Variants in AP3B1 observed in about 807,000 individuals in gnomAD.
AP3B1 encodes the protein AP-3 complex subunit beta-1.
AP3B1 carries 61 observed loss-of-function variants against 132.5 expected under a neutral mutation model. The ratio of observed to expected loss-of-function variants is 0.46; its 90% CI spans 0.37 to 0.57. The LOEUF (loss-of-function observed/expected upper bound fraction) is 0.57, where lower values mean the gene tolerates loss of function less well. Ranked by LOEUF, AP3B1 falls within the 20% of genes least tolerant of loss-of-function variation. AP3B1 has a pLI of 0.00. For synonymous variants in AP3B1, 388 were observed against 438.3 expected (o/e 0.89, Z 1.43); for missense variants, 1,120 against 1,289.4 (o/e 0.87, Z 2.01).
In AP3B1 at chr5:78,212,476, AC is replaced by A. The variant is rs554080053; in HGVS notation, c.786+3578del. Among the ~76,000 whole-genome samples, 7 of 152,280 alleles carry A rather than the reference AC, an allele frequency of 4.6e-5. No individual in the cohort carries two copies. In the South Asian group the frequency reaches 1.5e-3, roughly 32 times the overall value. The stretch of plus-strand genomic sequence containing the variant: ...TATGTCGATACATTGTTTTAGTGAC[AC>A]TTTTTCCTACTGGCAAATTCTTTAC... On this transcript the variant is annotated intron_variant, in intron 7 of 26. Transcript: ENST00000255194.
At chr5:78,087,777 TTTC>T (rs1412984714) in intron 22 of AP3B1, 5 of 756,446 alleles carry the variant, frequency 6.6e-6, no homozygotes, top group African/African-American at 5.7e-5. Flanking sequence ...TCTCAACTGC[TTTC>T]TTCTTATTAT....
chr5:78,193,770 A>ATATATTTTTTT, intron 7 of AP3B1, among the ~76,000 whole-genome samples: 20 of 67,210 alleles, frequency 3.0e-4, no homozygotes, highest in Admixed American at 1.2e-3. Flanking sequence ...ATATATATAT[A>ATATATTTTTTT]TTTTTTTTTT....
At chr5:78,203,524 T>G (rs1470661215) in intron 7 of AP3B1, among the ~76,000 whole-genome samples, 3 of 152,004 alleles carry the variant, frequency 2.0e-5, no homozygotes, top group Admixed American at 2.0e-4. Context: ...AGGTGAGATA[T>G]GGGGGGGACA....
chr5:78,092,081 C>T (rs1033554055), intron 21 of AP3B1, among the ~76,000 whole-genome samples: 1 of 152,206 alleles, frequency 6.6e-6, no homozygotes, highest in African/African-American at 2.4e-5. Flanking sequence ...CGTAACTTTT[C>T]AGGTAAGTTC....
At chr5:78,008,192 G>A (rs1345325789) in intron 26 of AP3B1, among the ~76,000 whole-genome samples, 3 of 152,116 alleles carry the variant, frequency 2.0e-5, no homozygotes, top group East Asian at 1.9e-4. Context: ...GGTGAGATGG[G>A]GTTAACAAGG....
At chr5:78,285,752 T>C (rs1285067846) in intron 1 of AP3B1, among the ~76,000 whole-genome samples, 1 of 152,224 alleles carries the variant, frequency 6.6e-6, no homozygotes, top group East Asian at 1.9e-4. Context: ...AAAAACTTTG[T>C]ATCCACCCTT....
intron 13 of AP3B1, among the ~76,000 whole-genome samples, chr5:78,158,211 A>T (rs1044230979): frequency 6.6e-6 from 1 of 152,152 alleles, no homozygotes; most frequent in Non-Finnish European, 1.5e-5. Context: ...GTGGCTCAGC[A>T]CTTTCGGAGG....
chr5:78,254,101 T>A (rs901333581), intron 2 of AP3B1, among the ~76,000 whole-genome samples: 3 of 151,756 alleles, frequency 2.0e-5, no homozygotes, highest in Middle Eastern at 6.9e-3. Context: ...GCAGAATTGA[T>A]CAAGCAGAAG....
chr5:78,006,620 G>A (rs906820517), intron 26 of AP3B1, among the ~76,000 whole-genome samples: 18 of 152,100 alleles, frequency 1.2e-4, no homozygotes, highest in Admixed American at 2.6e-4. Context: ...GAGGGACTAC[G>A]GGGAGACCAA....
At chr5:78,034,276 C>G in intron 24 of AP3B1, 85 bp downstream of exon 24, 1 of 1,017,392 alleles carries the variant, frequency 9.8e-7, no homozygotes, top group Non-Finnish European at 1.6e-6. Context: ...GTCTTTCACA[C>G]ACACACAAAA....
chr5:78,094,262 CA>C (rs1750675152), intron 21 of AP3B1, among the ~76,000 whole-genome samples: 1 of 152,086 alleles, frequency 6.6e-6, no homozygotes, highest in Admixed American at 6.5e-5. Context: ...CTAAGTCTAA[CA>C]AAAGACTGTT....
intron 1 of AP3B1, among the ~76,000 whole-genome samples, chr5:78,282,236 C>T (rs1436104953): frequency 6.6e-6 from 1 of 152,168 alleles, no homozygotes; most frequent in East Asian, 1.9e-4. Context: ...GCTGGCACTG[C>T]TGACCATTTA....
At chr5:78,038,797 T>C (rs1312397146) in intron 23 of AP3B1, among the ~76,000 whole-genome samples, 1 of 152,218 alleles carries the variant, frequency 6.6e-6, no homozygotes, top group Non-Finnish European at 1.5e-5. Context: ...TCTGCAGACC[T>C]AGCCTTCCAT....
chr5:78,092,866 T>A (rs988578089), intron 21 of AP3B1, among the ~76,000 whole-genome samples: 2 of 152,010 alleles, frequency 1.3e-5, no homozygotes, highest in Non-Finnish European at 2.9e-5. Context: ...TCCAGGCTGG[T>A]CTCGAACTCC....
chr5:78,217,417 T>G (rs1413441558), intron 6 of AP3B1, among the ~76,000 whole-genome samples: 1 of 152,128 alleles, frequency 6.6e-6, no homozygotes, highest in Admixed American at 6.6e-5. Context: ...GCCCTAACCA[T>G]GTACTGGTGC....
intron 22 of AP3B1, among the ~76,000 whole-genome samples, chr5:78,046,244 C>A (rs763459256): frequency 6.6e-6 from 1 of 152,154 alleles, no homozygotes; most frequent in Non-Finnish European, 1.5e-5. Context: ...CAAGCATTAC[C>A]GCCTGAGCTC....
chr5:78,287,635 C>A lies in AP3B1; in HGVS notation c.128+6817G>T, dbSNP rs541534264. Among the ~76,000 whole-genome samples, 164 of 151,974 alleles carry A rather than the reference C, an allele frequency of 1.1e-3. No homozygotes were observed. In the South Asian group the frequency reaches 0.014, roughly 13 times the overall value. ...TAGTTCAGCTGCTAGGAATGCACTG[C>A]AGATGCTAGTATACAGTTTCTTCTT... On this transcript the variant is annotated intron_variant, in intron 1 of 26. Transcript: ENST00000255194.
At chr5:78,217,382 C>T (rs1326237274) in intron 6 of AP3B1, among the ~76,000 whole-genome samples, 3 of 152,098 alleles carry the variant, frequency 2.0e-5, no homozygotes, top group Non-Finnish European at 4.4e-5. Flanking sequence ...TCAGTATAAA[C>T]GTGAAGCTGC....
intron 7 of AP3B1, among the ~76,000 whole-genome samples, chr5:78,199,711 G>A (rs191026894): frequency 1.3e-5 from 2 of 152,150 alleles, no homozygotes; most frequent in Admixed American, 6.5e-5. Flanking sequence ...GAAGGAGGGC[G>A]ATTAATTAAA....
Sources: allele counts gnomAD v4.1 joint callset (sites outside exome capture counted in the v4.1 genomes callset), GRCh38; gene constraint gnomAD v4.1.1; transcripts MANE v1.5; gene names NCBI Gene and HGNC (gene_info 2026-07-23, HGNC 2026-07-21).